DNAI4: variants seen among roughly 807,000 people sequenced by gnomAD.
DNAI4 encodes WD repeat domain 78.
Under a neutral mutation model 105.8 loss-of-function variants are expected in DNAI4, and 85 were observed. The observed-to-expected ratio is 0.80, with a 90% CI of 0.67 to 0.96. The LOEUF (loss-of-function observed/expected upper bound fraction) is 0.96, where lower values mean the gene tolerates loss of function less well. Ranked by LOEUF, DNAI4 falls within the 40% of genes least tolerant of loss-of-function variation. The pLI, the probability that DNAI4 is intolerant of heterozygous loss-of-function variation, is 0.00. For missense variants in DNAI4, 1,014 were observed against 1,005.6 expected (o/e 1.01, Z -0.11); for synonymous variants, 352 against 331.5 (o/e 1.06, Z -0.67).
chr1:66,847,588 T>G lies in DNAI4; in HGVS notation c.1187A>C (p.Lys396Thr). The G allele has an allele frequency of 1.2e-6, 2 of 1,614,026 alleles. No individual in the cohort carries two copies. The highest frequency in any genetic ancestry group is 1.7e-6 in the Non-Finnish European group (2 of 1,179,930). ...TAAGTCCTGATGAAATTTGTCAGAT[T>G]TTAATATTGCATCTGAGTGGTCTTC... ...DEEDHSDAILKSDKFHQDLFF... is the reference protein window; with the variant it reads ...DEEDHSDAILTSDKFHQDLFF... The change falls in exon 8 of 17, where the codon AAA becomes ACA. Residue 396 changes from lysine to threonine, a missense_variant. Lys to Thr is a moderately conservative substitution (Grantham distance 78). Transcript: ENST00000371026.
At chr1:66,827,247 C>T (rs1433408152) in intron 14 of DNAI4, among the ~76,000 whole-genome samples, 1 of 151,108 alleles carries the variant, frequency 6.6e-6, no homozygotes, top group Non-Finnish European at 1.5e-5. Flanking sequence ...ATAGTTGCTA[C>T]AATATTCACT....
Position 66,866,979 on chromosome 1 carries a change from G to A in DNAI4, c.940+4391C>T, listed in dbSNP as rs147148446. Among the ~76,000 whole-genome samples, 479 of 152,314 alleles carry A rather than the reference G, an allele frequency of 3.1e-3. 2 individuals are homozygous for A. The highest frequency in any genetic ancestry group is 5.3e-3 in the Non-Finnish European group (362 of 68,022). ...CAGGTGAGAAAAGCGAGTGACGAGC[G>A]AAGGGGGAAGCCCCTTATAAAACCA... On this transcript the variant is annotated intron_variant, in intron 6 of 16. Transcript: ENST00000371026.
rs1308316291 is a variant in DNAI4, at chr1:66,893,049, AAGAAAG to A, written c.530+174_530+179del. ...AAGAAAGAGAGGAAAGAAAGAAAGA[AAGAAAG>A]AGAGAGAGAGAAAGAAAGAAAGAAA... On this transcript the variant is annotated intron_variant, in intron 3 of 16. Transcript: ENST00000371026. Among the ~76,000 whole-genome samples, 3 of 115,744 alleles carry A rather than the reference AAGAAAG, an allele frequency of 2.6e-5. 1 individual carries two copies. Among genetic ancestry groups the A allele is most frequent in the South Asian group, 5.5e-4 (2 of 3,612 alleles). 75.9% of individuals were successfully genotyped at this position (115,744 alleles called of 152,430 possible). A position where few individuals can be genotyped will look rare whatever the true frequency, so the allele number is the denominator to read the frequency against.
chr1:66,919,571 C>T (rs1357036995), intron 1 of DNAI4, among the ~76,000 whole-genome samples: 5 of 152,234 alleles, frequency 3.3e-5, no homozygotes, highest in African/African-American at 7.2e-5. Flanking sequence ...CCTACACTTT[C>T]ATGAGCTTTA....
chr1:66,820,747 GAAGT>G (rs1645607869), intron 16 of DNAI4, among the ~76,000 whole-genome samples: 1 of 152,002 alleles, frequency 6.6e-6, no homozygotes, highest in Non-Finnish European at 1.5e-5. Context: ...GCAAAGATTT[GAAGT>G]AAGTAAAGAA....
intron 11 of DNAI4, 151 bp downstream of exon 11, chr1:66,835,475 G>A: frequency 1.2e-6 from 1 of 817,388 alleles, no homozygotes; most frequent in Non-Finnish European, 1.9e-6. Flanking sequence ...ATTCCAGCTG[G>A]AGAGACAATA....
intron 8 of DNAI4, among the ~76,000 whole-genome samples, chr1:66,843,658 T>C (rs1646203049): frequency 6.6e-6 from 1 of 152,196 alleles, no homozygotes; most frequent in Non-Finnish European, 1.5e-5. Context: ...AGGAGTTTTA[T>C]AGTTTTGCAT....
chr1:66,871,755 T>C (rs1295944064), intron 5 of DNAI4, among the ~76,000 whole-genome samples: 1 of 152,230 alleles, frequency 6.6e-6, no homozygotes, highest in Non-Finnish European at 1.5e-5. Context: ...ATGCTAGTAC[T>C]AACTCCATGT....
intron 3 of DNAI4, 136 bp downstream of exon 3, chr1:66,893,093 G>GAAAGAAAGAAAGA (rs1553227698): frequency 2.6e-4 from 110 of 422,470 alleles, no homozygotes; most frequent in African/African-American, 2.2e-3. Flanking sequence ...AAGAAAGAAA[G>GAAAGAAAGAAAGA]AAAGAAAGAA....
At chr1:66,814,253 C>T (rs1645466869) in intron 16 of DNAI4, 73 bp from the exon 17 acceptor site, 3 of 1,194,878 alleles carry the variant, frequency 2.5e-6, no homozygotes, top group Non-Finnish European at 3.6e-6. Context: ...TTTAAAATGC[C>T]ATTTAAAATT....
intron 16 of DNAI4, among the ~76,000 whole-genome samples, chr1:66,816,100 G>T (rs976083691): frequency 3.3e-5 from 5 of 152,082 alleles, no homozygotes; most frequent in African/African-American, 1.2e-4. Context: ...TTGAGGCCAG[G>T]GGTTTATGAC....
intron 4 of DNAI4, among the ~76,000 whole-genome samples, chr1:66,876,518 T>G (rs1322206692): frequency 1.3e-5 from 2 of 152,160 alleles, no homozygotes; most frequent in Admixed American, 1.3e-4. Context: ...CTAGTCAACC[T>G]TCTTGATGGC....
At chr1:66,859,658 G>A (rs1646583000) in intron 7 of DNAI4, among the ~76,000 whole-genome samples, 1 of 152,152 alleles carries the variant, frequency 6.6e-6, no homozygotes, top group African/African-American at 2.4e-5. Flanking sequence ...AAACATAGAG[G>A]AGGCTTAAGT....
chr1:66,847,195 C>T (rs931849490), intron 8 of DNAI4, among the ~76,000 whole-genome samples: 2 of 152,170 alleles, frequency 1.3e-5, no homozygotes, highest in African/African-American at 4.8e-5. Context: ...AGAAACATGT[C>T]CTCTGATAAT....
chr1:66,893,437 T>C (rs773933454), intron 2 of DNAI4, 24 bp from the exon 3 acceptor site: 2 of 1,434,924 alleles, frequency 1.4e-6, no homozygotes, highest in Admixed American at 2.6e-5. Flanking sequence ...TTATTTAAAA[T>C]GAAATAACTA....
chr1:66,861,641 G>A (rs1335163788), intron 7 of DNAI4, among the ~76,000 whole-genome samples: 1 of 152,166 alleles, frequency 6.6e-6, no homozygotes, highest in African/African-American at 2.4e-5. Context: ...ATTCTTTGTT[G>A]CAGGGACTGT....
chr1:66,847,166 A>G (rs1268206642), intron 8 of DNAI4, among the ~76,000 whole-genome samples: 1 of 152,228 alleles, frequency 6.6e-6, no homozygotes. Flanking sequence ...CTACTCACGC[A>G]TTTAGTGCTG....
chr1:66,828,820 T>C (rs1184446377), intron 13 of DNAI4, among the ~76,000 whole-genome samples: 1 of 152,214 alleles, frequency 6.6e-6, no homozygotes, highest in Non-Finnish European at 1.5e-5. Context: ...CCTAGAGATA[T>C]TTTCCTACAT....
At chr1:66,920,963 T>C (rs1650440005) in intron 1 of DNAI4, among the ~76,000 whole-genome samples, 3 of 152,336 alleles carry the variant, frequency 2.0e-5, no homozygotes, top group African/African-American at 7.2e-5. Flanking sequence ...CTATACAATA[T>C]GTTCAGCTTT....
Sources: gnomAD v4.1 joint callset for allele counts (sites outside exome capture counted in the v4.1 genomes callset) on GRCh38, gnomAD v4.1.1 for gene constraint, MANE v1.5 for transcripts, NCBI Gene and HGNC (gene_info 2026-07-23, HGNC 2026-07-21) for gene names.